The following NCKAP5 variants were observed in gnomAD, a reference collection of about 807,000 sequenced individuals.
NCKAP5 encodes NCK associated protein 5, also known as nck-associated protein 5.
A neutral mutation model predicts 167.0 loss-of-function variants in NCKAP5; 92 were observed. The observed-to-expected ratio is 0.55, with a 90% CI of 0.47 to 0.66. NCKAP5 has a LOEUF of 0.66. Ranked by LOEUF, NCKAP5 falls within the 30% of genes least tolerant of loss-of-function variation. The pLI is 0.00. For synonymous variants in NCKAP5, 891 were observed against 877.4 expected (o/e 1.02, Z -0.27); for missense variants, 2,378 against 2,315.0 (o/e 1.03, Z -0.56).
At chr2:133,043,866 GTTTT>G (rs60249951) in intron 6 of NCKAP5, among the ~76,000 whole-genome samples, 1 of 141,722 alleles carries the variant, frequency 7.1e-6, no homozygotes, top group African/African-American at 2.6e-5. Flanking sequence ...TTCTGTAATA[GTTTT>G]TTTTTTTTTT....
intron 4 of NCKAP5, among the ~76,000 whole-genome samples, chr2:133,244,786 T>C (rs1192847490): frequency 2.6e-5 from 4 of 152,086 alleles, no homozygotes; most frequent in African/African-American, 9.7e-5. Context: ...TCTTAATCTT[T>C]AATTCATACC....
the NCKAP5 span, among the ~76,000 whole-genome samples, chr2:133,616,582 C>T: frequency 6.6e-6 from 1 of 152,130 alleles, no homozygotes; most frequent in East Asian, 1.9e-4. Flanking sequence ...GACACACACA[C>T]TCTCCCAAGA....
intron 6 of NCKAP5, among the ~76,000 whole-genome samples, chr2:133,071,146 A>G (rs2080380436): frequency 6.6e-6 from 1 of 152,188 alleles, no homozygotes; most frequent in African/African-American, 2.4e-5. Flanking sequence ...TAGACCAATC[A>G]CATTCACAGG....
intron 11 of NCKAP5, among the ~76,000 whole-genome samples, chr2:132,812,573 A>T (rs1236662951): frequency 1.3e-5 from 2 of 152,130 alleles, no homozygotes; most frequent in African/African-American, 4.8e-5. Context: ...CGGAGCAGGC[A>T]CCTGCAACAT....
At chr2:132,718,525 G>T (rs1689593721) in intron 19 of NCKAP5, among the ~76,000 whole-genome samples, 1 of 152,186 alleles carries the variant, frequency 6.6e-6, no homozygotes, top group Non-Finnish European at 1.5e-5. Flanking sequence ...ATTCTGATAT[G>T]CCTGCAACAG....
intron 11 of NCKAP5, among the ~76,000 whole-genome samples, chr2:132,853,249 T>A (rs1394421310): frequency 6.6e-6 from 1 of 152,220 alleles, no homozygotes; most frequent in Admixed American, 6.5e-5. Flanking sequence ...ATTTAAAATT[T>A]GAGAGACTAC....
chr2:132,987,894 T>C (rs2077334403), intron 7 of NCKAP5, among the ~76,000 whole-genome samples: 1 of 152,188 alleles, frequency 6.6e-6, no homozygotes, highest in African/African-American at 2.4e-5. Context: ...GTGCCTCAGT[T>C]TCCTCTTCTG....
chr2:133,179,072 G>A (rs1246661648), intron 5 of NCKAP5, among the ~76,000 whole-genome samples: 3 of 152,032 alleles, frequency 2.0e-5, no homozygotes, highest in Non-Finnish European at 1.5e-5. Context: ...GGAGGCTGAG[G>A]TGGGAGGATG....
chr2:132,814,629 C>T (rs906129908), intron 11 of NCKAP5, among the ~76,000 whole-genome samples: 2 of 152,120 alleles, frequency 1.3e-5, no homozygotes, highest in Admixed American at 1.3e-4. Context: ...TTAGAGGAAG[C>T]TTCTGGAAAC....
the NCKAP5 span, among the ~76,000 whole-genome samples, chr2:133,582,925 C>A: frequency 6.6e-6 from 1 of 152,126 alleles, no homozygotes; most frequent in Non-Finnish European, 1.5e-5. Flanking sequence ...TTTTCACTGA[C>A]AAAATTGTTT....
intron 15 of NCKAP5, among the ~76,000 whole-genome samples, chr2:132,775,399 G>T (rs1246427441): frequency 6.6e-6 from 1 of 152,200 alleles, no homozygotes; most frequent in Non-Finnish European, 1.5e-5. Flanking sequence ...AAGAGAGTAT[G>T]TAAATGGCTA....
chr2:133,304,593 A>C lies in NCKAP5; in HGVS notation c.70-1483T>G, dbSNP rs185104574. On this transcript the variant is annotated intron_variant, in intron 3 of 19. Coordinates refer to ENST00000409261, the MANE Select transcript of NCKAP5 (RefSeq NM_207363.3). ...TCAAGGCTAAACCATGATTTAGAAC[A>C]CTTGACACTATCAAATACATGAATT... 2.8e-3 allele frequency among the ~76,000 whole-genome samples: 427 copies of C among 152,360 alleles called. 3 individuals carry two copies. The highest frequency in any genetic ancestry group is 9.7e-3 in the African/African-American group (402 of 41,584).
chr2:132,680,519 A>C (rs1211146510), intron 19 of NCKAP5, among the ~76,000 whole-genome samples: 5 of 152,184 alleles, frequency 3.3e-5, no homozygotes, highest in African/African-American at 1.2e-4. Context: ...AAGAGCAAGC[A>C]AAGAGAAGGT....
chr2:132,965,904 TTGTGTG>T (rs60589235), intron 7 of NCKAP5, among the ~76,000 whole-genome samples: 15 of 140,954 alleles, frequency 1.1e-4, no homozygotes, highest in South Asian at 2.3e-4. Context: ...ACATGACTCT[TTGTGTG>T]TGTGTGTGTG....
At chr2:133,150,467 G>C (rs895386958) in intron 5 of NCKAP5, among the ~76,000 whole-genome samples, 1 of 152,166 alleles carries the variant, frequency 6.6e-6, no homozygotes, top group African/African-American at 2.4e-5. Flanking sequence ...TTCTAACTGA[G>C]TTGGGGCTGA....
chr2:133,286,174 T>A (rs1484866834), intron 4 of NCKAP5, among the ~76,000 whole-genome samples: 1 of 151,944 alleles, frequency 6.6e-6, no homozygotes, highest in Non-Finnish European at 1.5e-5. Flanking sequence ...TTTTTTTGTA[T>A]TTTTTAGTAG....
chr2:133,120,524 CTTAGAGAGATTGGTATAAATGTTA>C (rs553748389), intron 6 of NCKAP5, among the ~76,000 whole-genome samples: 1,745 of 152,216 alleles, frequency 0.011, 32 homozygotes, highest in African/African-American at 0.04. Flanking sequence ...ATATGCAAAC[CTTAGAGAGATTGGTATAAATGTTA>C]TCTGAGAGCC....
chr2:133,137,016 T>C (rs1179013641), intron 5 of NCKAP5, among the ~76,000 whole-genome samples: 1 of 152,230 alleles, frequency 6.6e-6, no homozygotes, highest in African/African-American at 2.4e-5. Flanking sequence ...AATGTCTTCA[T>C]GAAAACTAGT....
intron 7 of NCKAP5, among the ~76,000 whole-genome samples, chr2:132,977,343 A>C (rs964093075): frequency 6.6e-6 from 1 of 152,210 alleles, no homozygotes. Flanking sequence ...TAAAGCAAAA[A>C]ACCAATAGGA....
Sources: allele counts gnomAD v4.1 joint callset (sites outside exome capture counted in the v4.1 genomes callset), GRCh38; gene constraint gnomAD v4.1.1; transcripts MANE v1.5; gene names NCBI Gene and HGNC (gene_info 2026-07-23, HGNC 2026-07-21).